The following MLXIPL variants were observed in gnomAD, a reference collection of about 807,000 sequenced individuals.
The protein encoded by MLXIPL is MLX interacting protein like.
MLXIPL carries 49 observed loss-of-function variants against 81.5 expected under a neutral mutation model. The ratio of observed to expected loss-of-function variants is 0.60; its 90% CI spans 0.48 to 0.76. The LOEUF (loss-of-function observed/expected upper bound fraction) is 0.76. Among genes scored for constraint, MLXIPL ranks in the 30% least tolerant of loss-of-function variants. The pLI, the probability that MLXIPL is intolerant of heterozygous loss-of-function variation, is 0.00. For synonymous variants in MLXIPL, 466 were observed against 485.5 expected (o/e 0.96, Z 0.53); for missense variants, 1,053 against 1,167.0 (o/e 0.90, Z 1.42).
At chr7:73,646,824 G>A in the MLXIPL span, among the ~76,000 whole-genome samples, 1 of 152,120 alleles carries the variant, frequency 6.6e-6, no homozygotes, top group Non-Finnish European at 1.5e-5. Flanking sequence ...TGTAAGATAA[G>A]TTCTTGGGCA....
In MLXIPL at chr7:73,596,348, G is replaced by C; in HGVS notation, c.1938+16C>G. 6.2e-7 allele frequency: 1 copy of C among 1,613,150 alleles called. No homozygotes were observed. Among genetic ancestry groups the C allele is most frequent in the Non-Finnish European group, 8.5e-7 (1 of 1,179,874 alleles). Reference sequence around the variant, plus strand: ...GGGGGTAGCAAACCGATCTTGGGGTGGGGGATGGTGCCCACCTTGTTGCTG... The same window carrying C: ...GGGGGTAGCAAACCGATCTTGGGGTCGGGGATGGTGCCCACCTTGTTGCTG... On this transcript the variant is annotated intron_variant, in intron 12 of 16. Coordinates refer to ENST00000313375, the MANE Select transcript of MLXIPL (RefSeq NM_032951.3). This position sits in a 1 kb window ranked among gnomAD's most constrained non-coding sequence, Gnocchi z 4.7.
At chr7:73,612,406 C>T (rs555556841) in intron 2 of MLXIPL, among the ~76,000 whole-genome samples, 2 of 151,872 alleles carry the variant, frequency 1.3e-5, no homozygotes, top group East Asian at 1.9e-4. Flanking sequence ...TTTGGGAGGC[C>T]GAGGTGGGCG....
intron 2 of MLXIPL, among the ~76,000 whole-genome samples, chr7:73,608,983 AT>A (rs2116385078): frequency 6.6e-6 from 1 of 151,686 alleles, no homozygotes; most frequent in East Asian, 2.0e-4. Flanking sequence ...TAATTTTTAA[AT>A]TTTTTGTAGA....
chr7:73,606,722 G>A (rs1436892872), intron 5 of MLXIPL: 7 of 509,568 alleles, frequency 1.4e-5, no homozygotes, highest in East Asian at 3.7e-5. Flanking sequence ...CACCACGCCC[G>A]GCCTGGTCCC....
chr7:73,607,776 T>C (rs1795420238), intron 2 of MLXIPL, 104 bp from the exon 3 acceptor site: 2 of 1,003,086 alleles, frequency 2.0e-6, no homozygotes, highest in Admixed American at 2.1e-5. Context: ...TGCTTGGCCT[T>C]TGACGTTCAG....
intron 5 of MLXIPL, chr7:73,606,428 CT>C (rs539124816): frequency 0.11 from 32,555 of 293,594 alleles, 112 homozygotes; most frequent in South Asian, 0.18. Context: ...TTTTCTTTTT[CT>C]TTTTTTTTTT....
At chr7:73,597,048 C>T (rs778816796) in intron 9 of MLXIPL, 116 bp from the exon 10 acceptor site, 990 of 1,452,662 alleles carry the variant, frequency 6.8e-4, no homozygotes, top group Non-Finnish European at 8.6e-4. Context: ...GCCCCACATC[C>T]CTCATTCCTT....
chr7:73,621,216 ACC>A (rs1161620226), intron 1 of MLXIPL, among the ~76,000 whole-genome samples: 4 of 151,738 alleles, frequency 2.6e-5, no homozygotes, highest in African/African-American at 9.7e-5. Context: ...GCTCCCCTGC[ACC>A]CTCAAGGCCA....
intron 2 of MLXIPL, among the ~76,000 whole-genome samples, chr7:73,608,391 C>T: frequency 6.6e-6 from 1 of 152,002 alleles, no homozygotes; most frequent in African/African-American, 2.4e-5. Flanking sequence ...AGATCAAGAC[C>T]AGCCTGCCAA....
intron 1 of MLXIPL, among the ~76,000 whole-genome samples, chr7:73,620,577 G>GAA (rs35474276): frequency 3.1e-4 from 27 of 85,888 alleles, no homozygotes; most frequent in Admixed American, 1.1e-3. Flanking sequence ...CACCTGTACT[G>GAA]AAAAAAAAAA....
intron 7 of MLXIPL, among the ~76,000 whole-genome samples, chr7:73,603,717 G>A (rs548328364): frequency 6.6e-6 from 1 of 152,314 alleles, no homozygotes; most frequent in Non-Finnish European, 1.5e-5. Flanking sequence ...TAGCTCCGGG[G>A]GTCCCTAAAT....
upstream of MLXIPL, among the ~76,000 whole-genome samples, chr7:73,625,350 C>G (rs1554603553): frequency 6.6e-6 from 1 of 152,212 alleles, no homozygotes. Context: ...CTTCTGGGTC[C>G]TCCACATAGG....
In MLXIPL at chr7:73,606,484, G is replaced by T. The variant is rs1795294414; in HGVS notation, c.619-373C>A. Reference sequence around the variant, plus strand: ...TCTGTTGCCCAGGCTGGAGTGCAGTGGCGCAATCTCAGCTCACTGCAACCT... The same window carrying T: ...TCTGTTGCCCAGGCTGGAGTGCAGTTGCGCAATCTCAGCTCACTGCAACCT... On this transcript the variant is annotated intron_variant, in intron 5 of 16. Transcript: ENST00000313375. 5 of 334,730 alleles carry T rather than the reference G, an allele frequency of 1.5e-5. No individual in the cohort carries two copies. In the South Asian group the frequency reaches 1.6e-4, roughly 11 times the overall value. 20.7% of individuals were successfully genotyped at this position (334,730 alleles called of 1,614,324 possible).
At position 73,596,577 on chromosome 7, in the gene MLXIPL, C is replaced by T; in HGVS notation, c.1822+62G>A. ...ATCTGGCCCCAGACCCAGTCCCCTT[C>T]TTCTTCCTCCTCTTCCCCTCATCCC... On this transcript the variant is annotated intron_variant, in intron 11 of 16. Transcript: ENST00000313375. This position sits in a 1 kb window ranked among gnomAD's most constrained non-coding sequence, Gnocchi z 4.7. 6 of 1,599,732 alleles carry T rather than the reference C, an allele frequency of 3.8e-6. No homozygotes were observed. Among genetic ancestry groups the T allele is most frequent in the Non-Finnish European group, 5.1e-6 (6 of 1,173,374 alleles).
At chr7:73,604,587 T>A (rs766490633) in intron 7 of MLXIPL, among the ~76,000 whole-genome samples, 29 of 151,890 alleles carry the variant, frequency 1.9e-4, no homozygotes, top group Non-Finnish European at 3.1e-4. Flanking sequence ...ATAAATTAAA[T>A]TAAAATAAAA....
chr7:73,627,148 C>G (rs1554603996), upstream of MLXIPL, among the ~76,000 whole-genome samples: 1 of 152,162 alleles, frequency 6.6e-6, no homozygotes. Context: ...TTCTCTCTGC[C>G]CATCCCTGCC....
intron 1 of MLXIPL, among the ~76,000 whole-genome samples, chr7:73,619,280 G>A (rs868965607): frequency 5.9e-5 from 9 of 151,926 alleles, no homozygotes; most frequent in African/African-American, 1.9e-4. Context: ...GGCTAACAAC[G>A]TGAAACCCCG....
chr7:73,623,203 G>C lies in MLXIPL; in HGVS notation c.293+997C>G, dbSNP rs1376559363. On this transcript the variant is annotated intron_variant, in intron 1 of 16. Transcript: ENST00000313375. The surrounding 1 kb of genome is among the most constrained non-coding windows in gnomAD (Gnocchi z 5.7). ...CCACCCCAGCTCCTGCTCCCCCGCA[G>C]GGCGGCAGGTGCCGATCTGTAGCCA... Among the ~76,000 whole-genome samples, 1 of 152,244 alleles carries C rather than the reference G, an allele frequency of 6.6e-6. No individual in the cohort carries two copies. Among genetic ancestry groups the C allele is most frequent in the African/African-American group, 2.4e-5 (1 of 41,470 alleles).
upstream of MLXIPL, chr7:73,624,718 T>C (rs72649060): frequency 0.092 from 48,563 of 525,588 alleles, 2,842 homozygotes; most frequent in African/African-American, 0.21. Flanking sequence ...CCGTCTTTCC[T>C]TGGAGTCCTG....
Sources: allele counts gnomAD v4.1 joint callset (sites outside exome capture counted in the v4.1 genomes callset), GRCh38; gene constraint gnomAD v4.1.1; non-coding constraint Gnocchi (gnomAD v3.1); transcripts MANE v1.5; gene names NCBI Gene and HGNC (gene_info 2026-07-23, HGNC 2026-07-21).